LRP1B: variants seen among roughly 807,000 people sequenced by gnomAD.
The protein encoded by LRP1B is low-density lipoprotein receptor-related protein 1B.
In LRP1B, 217 loss-of-function variants were observed where a neutral mutation model predicts 556.6. The ratio of observed to expected loss-of-function variants is 0.39; its 90% confidence interval spans 0.35 to 0.44. The LOEUF is 0.44. Ranked by LOEUF, LRP1B falls within the 20% of genes least tolerant of loss-of-function variation. The pLI is 1.00. For synonymous variants in LRP1B, 2,047 were observed against 1,865.8 expected (o/e 1.10, Z -2.50); for missense variants, 5,053 against 5,620.8 (o/e 0.90, Z 3.23).
intron 11 of LRP1B, 35 bp downstream of exon 11, chr2:141,048,951 G>A (rs1250061501): frequency 1.4e-6 from 2 of 1,458,990 alleles, no homozygotes; most frequent in Non-Finnish European, 1.9e-6. Context: ...CTTCATCTCT[G>A]GGTAGTTTGA....
chr2:140,641,370 T>C (rs1161627813), intron 41 of LRP1B, among the ~76,000 whole-genome samples: 1 of 152,220 alleles, frequency 6.6e-6, no homozygotes, highest in African/African-American at 2.4e-5. Flanking sequence ...GGTTTTACTT[T>C]TAGTTTCATT....
chr2:141,126,677 T>C (rs1285393412), intron 7 of LRP1B, among the ~76,000 whole-genome samples: 1 of 152,126 alleles, frequency 6.6e-6, no homozygotes, highest in Non-Finnish European at 1.5e-5. Flanking sequence ...CCCAAGATCA[T>C]ATCCAATCAG....
intron 41 of LRP1B, among the ~76,000 whole-genome samples, chr2:140,609,601 T>C (rs1263201263): frequency 2.0e-5 from 3 of 152,222 alleles, no homozygotes; most frequent in South Asian, 4.1e-4. Flanking sequence ...CTGTGAATTA[T>C]AGTAGTATTT....
At chr2:141,325,413 A>G (rs1051871190) in intron 3 of LRP1B, among the ~76,000 whole-genome samples, 1 of 152,148 alleles carries the variant, frequency 6.6e-6, no homozygotes, top group African/African-American at 2.4e-5. Flanking sequence ...CTTTTATGAA[A>G]CAAGATTATT....
chr2:141,815,535 T>C (rs1382372782), intron 1 of LRP1B, among the ~76,000 whole-genome samples: 1 of 151,750 alleles, frequency 6.6e-6, no homozygotes, highest in Non-Finnish European at 1.5e-5. Context: ...CAATCAGCAC[T>C]CTATAAAATG....
intron 7 of LRP1B, among the ~76,000 whole-genome samples, chr2:141,153,844 G>C (rs1701999611): frequency 6.6e-6 from 1 of 151,028 alleles, no homozygotes; most frequent in African/African-American, 2.4e-5. Context: ...AGACAGGATG[G>C]GAAACAATAA....
chr2:141,766,511 T>C (rs757005490), intron 2 of LRP1B, among the ~76,000 whole-genome samples: 1 of 152,236 alleles, frequency 6.6e-6, no homozygotes, highest in Non-Finnish European at 1.5e-5. Flanking sequence ...ACTAGCTTTC[T>C]AGAGCACTTT....
intron 1 of LRP1B, among the ~76,000 whole-genome samples, chr2:142,116,192 CAAAAAA>C (rs70994477): frequency 3.1e-5 from 2 of 65,456 alleles, no homozygotes; most frequent in African/African-American, 1.3e-4. Context: ...GAGTCTGTCT[CAAAAAA>C]AAAAAAAAAA....
At chr2:141,635,336 C>A (rs1356339480) in intron 2 of LRP1B, among the ~76,000 whole-genome samples, 1 of 151,840 alleles carries the variant, frequency 6.6e-6, no homozygotes, top group Non-Finnish European at 1.5e-5. Context: ...CGGGTGTTAC[C>A]TAAGAGTGTG....
At chr2:140,386,595 C>T (rs557060482) in intron 66 of LRP1B, among the ~76,000 whole-genome samples, 1 of 152,136 alleles carries the variant, frequency 6.6e-6, no homozygotes, top group Non-Finnish European at 1.5e-5. Flanking sequence ...TCACATGAAC[C>T]TTTAAACAAT....
At chr2:141,824,520 G>T (rs531183589) in intron 1 of LRP1B, among the ~76,000 whole-genome samples, 1 of 152,062 alleles carries the variant, frequency 6.6e-6, no homozygotes, top group Non-Finnish European at 1.5e-5. Flanking sequence ...GCCCGCCACC[G>T]TGCCTGGCTA....
At chr2:141,122,815 G>T (rs552790633) in intron 7 of LRP1B, among the ~76,000 whole-genome samples, 1 of 152,074 alleles carries the variant, frequency 6.6e-6, no homozygotes, top group Non-Finnish European at 1.5e-5. Flanking sequence ...GTTTATAGCG[G>T]CACTATTCAC....
chr2:141,505,179 G>T (rs1407866141), intron 2 of LRP1B, among the ~76,000 whole-genome samples: 2 of 151,268 alleles, frequency 1.3e-5, no homozygotes, highest in African/African-American at 4.9e-5. Flanking sequence ...TACTGATACA[G>T]TATAACAGCA....
At chr2:140,535,747 A>T (rs1690925296) in intron 46 of LRP1B, among the ~76,000 whole-genome samples, 1 of 152,160 alleles carries the variant, frequency 6.6e-6, no homozygotes, top group Admixed American at 6.6e-5. Context: ...TATTTCCAGG[A>T]AAAAATATTG....
At chr2:141,420,370 A>T (rs1033485342) in intron 3 of LRP1B, among the ~76,000 whole-genome samples, 2 of 152,244 alleles carry the variant, frequency 1.3e-5, no homozygotes, top group Admixed American at 1.3e-4. Context: ...GACCTTGTAC[A>T]GGGAAAGACC....
intron 84 of LRP1B, among the ~76,000 whole-genome samples, chr2:140,285,720 A>G (rs1033640347): frequency 6.6e-6 from 1 of 151,810 alleles, no homozygotes; most frequent in African/African-American, 2.4e-5. Flanking sequence ...CAAGATTAGA[A>G]ATATGCATTC....
intron 68 of LRP1B, among the ~76,000 whole-genome samples, chr2:140,375,932 A>G (rs913623930): frequency 1.3e-5 from 2 of 152,072 alleles, no homozygotes; most frequent in Non-Finnish European, 2.9e-5. Flanking sequence ...ATTCATACAG[A>G]AACTTATCTT....
chr2:140,696,072 A>G (rs1335539849), intron 41 of LRP1B, among the ~76,000 whole-genome samples: 1 of 152,224 alleles, frequency 6.6e-6, no homozygotes, highest in African/African-American at 2.4e-5. Flanking sequence ...TACTTAAAAC[A>G]TGAATACTTA....
intron 1 of LRP1B, among the ~76,000 whole-genome samples, chr2:141,826,859 T>A (rs1696945951): frequency 6.6e-6 from 1 of 152,204 alleles, no homozygotes; most frequent in African/African-American, 2.4e-5. Context: ...CTTGCATCAT[T>A]ACTTTTATCT....
Sources: allele counts gnomAD v4.1 joint callset (sites outside exome capture counted in the v4.1 genomes callset), GRCh38; gene constraint gnomAD v4.1.1; transcripts MANE v1.5; gene names NCBI Gene and HGNC (gene_info 2026-07-23, HGNC 2026-07-21).